Variants in CHD8 observed in about 807,000 individuals in gnomAD.
CHD8 encodes the protein chromodomain helicase DNA binding protein 8, also known as ATP-dependent chromatin remodeler CHD8.
A neutral mutation model predicts 279.2 loss-of-function variants in CHD8; 31 were observed. That is an observed-to-expected ratio of 0.11 (90% CI 0.08 to 0.15). CHD8 has a LOEUF of 0.15. Ranked by LOEUF, CHD8 falls within the 10% of genes least tolerant of loss-of-function variation. The pLI is 1.00. For synonymous variants in CHD8, 1,081 were observed against 1,139.6 expected (o/e 0.95, Z 1.04); for missense variants, 2,146 against 3,230.5 (o/e 0.66, Z 8.14).
chr14:21,426,438 C>T, intron 4 of CHD8, 196 bp from the exon 5 acceptor site: 2 of 520,920 alleles, frequency 3.8e-6, no homozygotes, highest in Non-Finnish European at 6.7e-6. Flanking sequence ...ACTGACTGAC[C>T]CTTATACCAT....
At position 21,403,509 on chromosome 14, in the gene CHD8, G is replaced by T; in HGVS notation, c.3462C>A (p.Ile1154=). ...CTAGGCAGCGCACCATCTGAGAGAAGATCAGAACTTTATGGCCACCAGCTT... is the reference window on the plus strand; with the variant it reads ...CTAGGCAGCGCACCATCTGAGAGAATATCAGAACTTTATGGCCACCAGCTT... ...KLKAGGHKVL[I]FSQMVRCLDI... is the part of the protein sequence containing the mutation. The change falls in exon 17 of 38, where the codon ATC becomes ATA. Residue 1154 remains isoleucine, a synonymous_variant. Coordinates refer to ENST00000646647, the MANE Select transcript of CHD8 (RefSeq NM_001170629.2). This position sits in a 1 kb window ranked among gnomAD's most constrained non-coding sequence, Gnocchi z 4.3. The T allele has an allele frequency of 6.2e-7, 1 of 1,613,856 alleles. No individual in the cohort carries two copies. Among genetic ancestry groups the T allele is most frequent in the Non-Finnish European group, 8.5e-7 (1 of 1,179,816 alleles).
chr14:21,393,681 T>A lies in CHD8; in HGVS notation c.6114A>T (p.Pro2038=), dbSNP rs754271776. ...GGGATACTCGCATCTCATAGTCTTG[T>A]GGGGTTGGTCGGCTCCTGGCCACCA... ...HEVVARSRPT[P]QDYEMRVSPS... The change falls in exon 32 of 38, where the codon CCA becomes CCT. Residue 2038 remains proline, a synonymous_variant. Coordinates refer to ENST00000646647, the MANE Select transcript of CHD8 (RefSeq NM_001170629.2). The A allele has an allele frequency of 8.1e-6, 13 of 1,613,790 alleles. No homozygotes were observed. Among genetic ancestry groups the A allele is most frequent in the Non-Finnish European group, 1.1e-5 (13 of 1,179,870 alleles).
At chr14:21,444,277 T>A (rs895516469) in intron 1 of CHD8, among the ~76,000 whole-genome samples, 1 of 152,150 alleles carries the variant, frequency 6.6e-6, no homozygotes, top group African/African-American at 2.4e-5. Context: ...GGAAAAAAAA[T>A]TGTTTTTGCT....
At chr14:21,393,001 A>T in intron 33 of CHD8, 105 bp downstream of exon 33, 1 of 1,351,036 alleles carries the variant, frequency 7.4e-7, no homozygotes, top group African/African-American at 1.5e-5. Context: ...TTGCAGCAAT[A>T]AACACAATTT....
rs1028261498 is a variant in CHD8 at position 21,410,000 on chromosome 14, G to T, written c.2227-12C>A. ...TAGTAAATAACGGGCTAGGAGAGAAGAAACCAAAGCCTTAAGAAACTGATT... is the reference window on the plus strand; with the variant it reads ...TAGTAAATAACGGGCTAGGAGAGAATAAACCAAAGCCTTAAGAAACTGATT... On this transcript the variant is annotated splice_polypyrimidine_tract_variant and intron_variant, in intron 10 of 37. Coordinates refer to ENST00000646647, the MANE Select transcript of CHD8 (RefSeq NM_001170629.2). 1 of 1,599,050 alleles carries T rather than the reference G, an allele frequency of 6.3e-7. No homozygotes were observed.
In CHD8 at chr14:21,441,687, G is replaced by A. The variant is rs577898128; in HGVS notation, c.-215-9829C>T. On this transcript the variant is annotated intron_variant, in intron 1 of 37. Transcript: ENST00000646647. ...GCATATCACGAGGTCAGGAGATGGA[G>A]ACCATCCTGGCTAACACGGTGAAAC... Among the ~76,000 whole-genome samples the A allele has an allele frequency of 6.8e-3, 1,028 of 152,176 alleles. 16 individuals are homozygous for A. Among genetic ancestry groups the A allele is most frequent in the African/African-American group, 0.023 (944 of 41,502 alleles).
At chr14:21,415,016 G>A (rs1043515518) in intron 7 of CHD8, 23 bp from the exon 8 acceptor site, 1 of 1,485,738 alleles carries the variant, frequency 6.7e-7, no homozygotes, top group Non-Finnish European at 9.3e-7. Flanking sequence ...AAATAAATTA[G>A]TCACTAGTCC....
intron 1 of CHD8, among the ~76,000 whole-genome samples, chr14:21,442,989 C>T (rs1407765961): frequency 6.6e-6 from 1 of 152,142 alleles, no homozygotes; most frequent in African/African-American, 2.4e-5. Context: ...CTGTCAAATA[C>T]AAACACACAT....
intron 5 of CHD8, among the ~76,000 whole-genome samples, chr14:21,423,767 A>C (rs771378599): frequency 3.0e-4 from 46 of 152,204 alleles, no homozygotes; most frequent in Non-Finnish European, 5.0e-4. Flanking sequence ...ATGTGTTCTT[A>C]CTATGAGCCA....
Position 21,395,843 on chromosome 14 carries a change from C to G in CHD8, c.5101G>C (p.Gly1701Arg). ...CEDPEYKPLQ[G>R]PPKDQDDEGD... ...TCATCATCTTGGTCCTTTGGGGGACCTTGGAGTGGTTTATATTCAGGATCT... is the reference window on the plus strand; with the variant it reads ...TCATCATCTTGGTCCTTTGGGGGACGTTGGAGTGGTTTATATTCAGGATCT... Residue 1701 changes from glycine (G) to arginine (R), a missense_variant, in exon 28 of 38, where the codon GGT (glycine) becomes CGT (arginine). Around this residue, in one of 26 missense-constraint regions of CHD8, gnomAD observed 75 missense variants for 81.3 expected, o/e 0.92. Transcript: ENST00000646647. 1.9e-6 allele frequency: 3 copies of G among 1,611,218 alleles called. No individual in the cohort carries two copies. The highest frequency in any genetic ancestry group is 2.2e-5 in the South Asian group (2 of 90,876).
At chr14:21,434,719 C>T (rs1450743606) in intron 1 of CHD8, among the ~76,000 whole-genome samples, 1 of 152,188 alleles carries the variant, frequency 6.6e-6, no homozygotes, top group Non-Finnish European at 1.5e-5. Flanking sequence ...CTCACCTATA[C>T]TGACCCAATT....
chr14:21,442,809 G>C (rs1890016579), intron 1 of CHD8, among the ~76,000 whole-genome samples: 1 of 95,512 alleles, frequency 1.0e-5, no homozygotes, highest in Non-Finnish European at 2.3e-5. Flanking sequence ...GGGAGGAGAG[G>C]GGAGGAGAGG....
At position 21,429,350 on chromosome 14, in the gene CHD8, G is replaced by A; in HGVS notation, c.844-15C>T. 6.2e-7 allele frequency: 1 copy of A among 1,601,950 alleles called. No homozygotes were observed. The highest frequency in any genetic ancestry group is 1.1e-5 in the South Asian group (1 of 90,650). On this transcript the variant is annotated splice_polypyrimidine_tract_variant and intron_variant, in intron 2 of 37. Transcript: ENST00000646647. ...TTCGATTCACCCTAAAGTGAAGAAA[G>A]GAAATTGCAAGAGTACAACATTAAA...
intron 35 of CHD8, 72 bp downstream of exon 35, chr14:21,391,761 A>C: frequency 1.3e-6 from 2 of 1,525,184 alleles, no homozygotes; most frequent in East Asian, 2.3e-5. Context: ...CCCCAGTCCC[A>C]CTGCCTTCAT....
intron 1 of CHD8, among the ~76,000 whole-genome samples, chr14:21,445,100 T>G (rs532711057): frequency 6.6e-6 from 1 of 152,318 alleles, no homozygotes; most frequent in South Asian, 2.1e-4. Flanking sequence ...TATTTTAAAT[T>G]CCCATCTTTA....
Position 21,430,657 on chromosome 14 carries a change from T to C in CHD8, c.843+144A>G. On this transcript the variant is annotated intron_variant, in intron 2 of 37. Transcript: ENST00000646647. ...GCTTCCAACCAGCAAGTACTAAGTA[T>C]GTGGCTGTCACACTAACTGATAAAA... is the stretch of plus-strand genomic sequence containing the variant. The C allele has an allele frequency of 6.6e-6, 4 of 609,940 alleles. No homozygotes were observed. The South Asian group carries it at 8.1e-5, about 12-fold the overall frequency. The allele number at this position is 609,940 out of a possible 1,614,324, so 37.8% of individuals were successfully genotyped here.
intron 5 of CHD8, among the ~76,000 whole-genome samples, chr14:21,420,950 T>C (rs896404837): frequency 2.0e-5 from 3 of 152,022 alleles, no homozygotes. Flanking sequence ...TTAGTAGAGA[T>C]AGGGTTTCTC....
intron 1 of CHD8, among the ~76,000 whole-genome samples, chr14:21,447,042 T>G (rs548548968): frequency 6.6e-6 from 1 of 152,304 alleles, no homozygotes; most frequent in South Asian, 2.1e-4. Context: ...GTTGAAGGTG[T>G]GTGGGAGAGA....
intron 1 of CHD8, chr14:21,437,355 A>G (rs2139556007): frequency 3.5e-6 from 3 of 850,730 alleles, no homozygotes; most frequent in Non-Finnish European, 4.5e-6. Flanking sequence ...AAAACAGCGC[A>G]AAGGGTGGGA....
Sources: allele counts gnomAD v4.1 joint callset (sites outside exome capture counted in the v4.1 genomes callset), GRCh38; gene constraint gnomAD v4.1.1; regional missense constraint gnomAD v4.1.1; non-coding constraint Gnocchi (gnomAD v3.1); transcripts MANE v1.5; gene names NCBI Gene and HGNC (gene_info 2026-07-23, HGNC 2026-07-21).